Variants in DOCK7 observed in about 807,000 individuals in gnomAD.
The protein encoded by DOCK7 is dedicator of cytokinesis 7.
Under a neutral mutation model 271.0 loss-of-function variants are expected in DOCK7, and 138 were observed. The ratio of observed to expected loss-of-function variants is 0.51; its 90% CI spans 0.44 to 0.59. The LOEUF (loss-of-function observed/expected upper bound fraction) is 0.59, where lower values mean the gene tolerates loss of function less well. Among genes scored for constraint, DOCK7 ranks in the 20% least tolerant of loss-of-function variants. The pLI, the probability that DOCK7 is intolerant of heterozygous loss-of-function variation, is 0.00. For missense variants in DOCK7, 2,066 were observed against 2,592.4 expected, an observed-to-expected ratio of 0.80 and a Z score of 4.41; for synonymous variants, 823 against 876.1, an observed-to-expected ratio of 0.94 and a Z score of 1.07.
At chr1:62,601,870 G>T (rs1307344614) in intron 14 of DOCK7, 1 of 1,605,920 alleles carries the variant, frequency 6.2e-7, no homozygotes, top group South Asian at 1.1e-5. Flanking sequence ...TGTCTACTGT[G>T]ATGTTATATC....
intron 1 of DOCK7, among the ~76,000 whole-genome samples, chr1:62,674,311 C>A (rs916195166): frequency 1.3e-5 from 2 of 150,954 alleles, no homozygotes; most frequent in African/African-American, 2.4e-5. Context: ...ATAAATAGAC[C>A]CCCCCCACCA....
chr1:62,519,059 T>C (rs1479366351), intron 31 of DOCK7, among the ~76,000 whole-genome samples: 1 of 151,236 alleles, frequency 6.6e-6, no homozygotes, highest in East Asian at 1.9e-4. Context: ...AGTGTAATTA[T>C]AACTACTTTA....
At chr1:62,620,677 G>A (rs986375428) in intron 12 of DOCK7, among the ~76,000 whole-genome samples, 2 of 151,736 alleles carry the variant, frequency 1.3e-5, no homozygotes, top group East Asian at 1.9e-4. Flanking sequence ...TCAGGAGATC[G>A]AGACCATCCT....
At chr1:62,527,748 G>A (rs1026634321) in intron 31 of DOCK7, among the ~76,000 whole-genome samples, 3 of 134,760 alleles carry the variant, frequency 2.2e-5, no homozygotes, top group African/African-American at 5.4e-5. Context: ...GGAGGGGGAG[G>A]GATAGCATTT....
At chr1:62,475,619 G>A in intron 46 of DOCK7, 88 bp downstream of exon 46, 1 of 1,261,864 alleles carries the variant, frequency 7.9e-7, no homozygotes, top group Non-Finnish European at 1.1e-6. Flanking sequence ...ATAAGGGATG[G>A]TACATATCTT....
intron 44 of DOCK7, among the ~76,000 whole-genome samples, chr1:62,476,776 G>C (rs1295636964): frequency 2.0e-5 from 3 of 152,164 alleles, no homozygotes; most frequent in Non-Finnish European, 4.4e-5. Context: ...ATCTTCAAAG[G>C]AGAAACCCCC....
intron 35 of DOCK7, 51 bp from the exon 36 acceptor site, chr1:62,505,867 T>C: frequency 6.3e-7 from 1 of 1,576,598 alleles, no homozygotes; most frequent in Non-Finnish European, 8.6e-7. Context: ...GCAATTTAGT[T>C]ATGGATGTTA....
At chr1:62,459,335 G>A (rs1645443973) in intron 48 of DOCK7, 2 of 151,088 alleles carry the variant, frequency 1.3e-5, no homozygotes, top group South Asian at 4.2e-4. Context: ...TCCGCCTCCT[G>A]GGTTCAAGTG....
Position 62,455,293 on chromosome 1 carries a change from T to G in DOCK7, c.*121A>C, listed in dbSNP as rs748011581. ...CTACATTTGATATTTTCTTGGCCAC[T>G]GCATTCTTCAATGAATAATAATTTC... is the stretch of plus-strand genomic sequence containing the variant. On this transcript the variant is annotated 3_prime_UTR_variant, in exon 50 of 50. Transcript: ENST00000635253. 1 of 1,060,568 alleles carries G rather than the reference T, an allele frequency of 9.4e-7. No individual in the cohort carries two copies. The highest frequency in any genetic ancestry group is 1.4e-6 in the Non-Finnish European group (1 of 700,958). The allele number at this position is 1,060,568 out of a possible 1,614,324, so 65.7% of individuals were successfully genotyped here. A position where few individuals can be genotyped will look rare whatever the true frequency, so the allele number is the denominator to read the frequency against.
chr1:62,504,019 C>G (rs1200018105), intron 37 of DOCK7, among the ~76,000 whole-genome samples: 3 of 149,594 alleles, frequency 2.0e-5, no homozygotes, highest in Non-Finnish European at 4.4e-5. Context: ...TGCACTCCAG[C>G]CTGGGCGACT....
chr1:62,545,865 G>A (rs184638365), intron 22 of DOCK7, among the ~76,000 whole-genome samples: 1 of 152,214 alleles, frequency 6.6e-6, no homozygotes, highest in East Asian at 1.9e-4. Context: ...AAAACTGACT[G>A]TTGGTCAGAA....
intron 31 of DOCK7, among the ~76,000 whole-genome samples, chr1:62,527,904 T>C (rs1333985335): frequency 6.6e-6 from 1 of 150,778 alleles, no homozygotes. Flanking sequence ...ATGAACTATC[T>C]ATAATGAGGC....
At chr1:62,587,720 G>A (rs1647778812) in intron 14 of DOCK7, among the ~76,000 whole-genome samples, 1 of 152,154 alleles carries the variant, frequency 6.6e-6, no homozygotes, top group Admixed American at 6.5e-5. Flanking sequence ...GAGATACCTA[G>A]CATGTTGAAT....
chr1:62,564,561 G>C (rs905842054), intron 18 of DOCK7, among the ~76,000 whole-genome samples: 46 of 152,204 alleles, frequency 3.0e-4, no homozygotes, highest in African/African-American at 1.1e-3. Flanking sequence ...AGTGTGGAGA[G>C]GGAAATTTAT....
chr1:62,676,279 C>A (rs1221455490), intron 1 of DOCK7, among the ~76,000 whole-genome samples: 1 of 152,102 alleles, frequency 6.6e-6, no homozygotes, highest in Non-Finnish European at 1.5e-5. Context: ...ATATAAAAGG[C>A]CACATATTGC....
intron 14 of DOCK7, chr1:62,601,207 T>C (rs1285157589): frequency 1.3e-6 from 2 of 1,530,548 alleles, no homozygotes; most frequent in East Asian, 2.3e-5. Flanking sequence ...GTAAGACACT[T>C]TGGTGGGTTT....
chr1:62,554,966 C>T (rs1055441071), intron 21 of DOCK7, among the ~76,000 whole-genome samples: 4 of 152,078 alleles, frequency 2.6e-5, no homozygotes, highest in African/African-American at 4.8e-5. Context: ...TATTAGTCAC[C>T]GTTATCAATG....
intron 41 of DOCK7, 138 bp downstream of exon 41, chr1:62,492,566 G>T: frequency 1.9e-6 from 2 of 1,027,828 alleles, no homozygotes; most frequent in Non-Finnish European, 2.9e-6. Flanking sequence ...GAGATTACAG[G>T]CATGAGCCAC....
At chr1:62,666,728 T>C (rs190843097) in intron 1 of DOCK7, among the ~76,000 whole-genome samples, 1 of 152,256 alleles carries the variant, frequency 6.6e-6, no homozygotes, top group Admixed American at 6.5e-5. Flanking sequence ...TTTTTCTTAC[T>C]CCTAGTGATA....
Sources: allele counts gnomAD v4.1 joint callset (sites outside exome capture counted in the v4.1 genomes callset), GRCh38; gene constraint gnomAD v4.1.1; transcripts MANE v1.5; gene names NCBI Gene and HGNC (gene_info 2026-07-23, HGNC 2026-07-21).